The following OSBPL9 variants were observed in gnomAD, a reference collection of about 807,000 sequenced individuals.
OSBPL9 encodes oxysterol-binding protein-related protein 9.
In OSBPL9, 40 loss-of-function variants were observed where a neutral mutation model predicts 106.6. The observed-to-expected ratio is 0.38, with a 90% CI of 0.29 to 0.49. The LOEUF (loss-of-function observed/expected upper bound fraction) is 0.49, where lower values mean the gene tolerates loss of function less well. OSBPL9 is among the 20% of genes least tolerant of loss of function. OSBPL9 has a pLI of 0.97. For synonymous variants in OSBPL9, 269 were observed against 295.4 expected (o/e 0.91, Z 0.92); for missense variants, 609 against 887.2 (o/e 0.69, Z 3.98).
intron 4 of OSBPL9, among the ~76,000 whole-genome samples, chr1:51,740,448 A>G (rs1666659006): frequency 6.6e-6 from 1 of 151,796 alleles, no homozygotes; most frequent in Admixed American, 6.6e-5. Context: ...TTTCATTAGG[A>G]GGCTTGTTGT....
At chr1:51,605,989 G>T (rs113372036) in intron 2 of OSBPL9, among the ~76,000 whole-genome samples, 9 of 150,878 alleles carry the variant, frequency 6.0e-5, no homozygotes, top group African/African-American at 2.2e-4. Context: ...AAGAAAGAGA[G>T]CGAGAGAGAG....
intron 1 of OSBPL9, among the ~76,000 whole-genome samples, chr1:51,595,564 G>C (rs1645295263): frequency 6.6e-6 from 1 of 152,198 alleles, no homozygotes. Flanking sequence ...ATGGGGGAGG[G>C]AGGAGGAGGA....
intron 1 of OSBPL9, among the ~76,000 whole-genome samples, chr1:51,579,527 C>A (rs772709591): frequency 2.0e-5 from 3 of 152,010 alleles, no homozygotes; most frequent in Non-Finnish European, 2.9e-5. Flanking sequence ...TTGCTAGATA[C>A]GTTAAAGCTT....
At chr1:51,702,426 G>T (rs1657487967) in intron 3 of OSBPL9, among the ~76,000 whole-genome samples, 3 of 152,274 alleles carry the variant, frequency 2.0e-5, no homozygotes, top group African/African-American at 7.2e-5. Context: ...TCACGTGTCT[G>T]TTGGCTGCAT....
chr1:51,743,073 A>G (rs762020810), intron 4 of OSBPL9, among the ~76,000 whole-genome samples: 1 of 152,218 alleles, frequency 6.6e-6, no homozygotes, highest in Non-Finnish European at 1.5e-5. Flanking sequence ...TGTTCATGTT[A>G]TCGATGAATT....
At chr1:51,706,187 TTTTC>T (rs1480027442) in intron 3 of OSBPL9, among the ~76,000 whole-genome samples, 3 of 152,194 alleles carry the variant, frequency 2.0e-5, no homozygotes, top group Non-Finnish European at 4.4e-5. Flanking sequence ...AGGCTTGGAT[TTTTC>T]TTTATGAGAT....
the OSBPL9 span, among the ~76,000 whole-genome samples, chr1:51,554,175 AATACAT>A: frequency 6.6e-6 from 1 of 152,306 alleles, no homozygotes; most frequent in South Asian, 2.1e-4. Flanking sequence ...TATAAATATA[AATACAT>A]ATACATACAC....
In OSBPL9 at chr1:51,760,762, C is replaced by T; in HGVS notation, c.655C>T (p.Gln219Ter). 1 of 1,613,784 alleles carries T rather than the reference C, an allele frequency of 6.2e-7. No homozygotes were observed. Among genetic ancestry groups the T allele is most frequent in the Non-Finnish European group, 8.5e-7 (1 of 1,179,818 alleles). The change falls in exon 10 of 24, where the codon CAG becomes TAG. Residue 219 changes from glutamine to a stop codon, truncating the protein, a stop_gained. Coordinates refer to ENST00000428468, the MANE Select transcript of OSBPL9 (RefSeq NM_024586.6). LOFTEE classifies it high-confidence loss of function. ...LEPVISTMPS[Q>*]TVLPPEPVQL... ...ACCTGTGATCAGCACAATGCCTTCC[C>T]AGACTGTGTTACCTCCAGGTAATTT...
intron 2 of OSBPL9, among the ~76,000 whole-genome samples, chr1:51,663,489 A>T (rs1169321007): frequency 6.6e-6 from 1 of 152,328 alleles, no homozygotes; most frequent in African/African-American, 2.4e-5. Flanking sequence ...TTTATTTATT[A>T]AAAAACTTTT....
intron 2 of OSBPL9, among the ~76,000 whole-genome samples, chr1:51,602,222 G>A (rs1300323975): frequency 1.2e-4 from 18 of 150,668 alleles, no homozygotes; most frequent in Non-Finnish European, 1.8e-4. Context: ...GGGTTTCACC[G>A]TGGTCTCGAT....
At chr1:51,730,480 A>T (rs149147568) in intron 4 of OSBPL9, among the ~76,000 whole-genome samples, 3 of 152,138 alleles carry the variant, frequency 2.0e-5, no homozygotes, top group Admixed American at 2.0e-4. Flanking sequence ...TTTTTTGTGT[A>T]TAAAGTAATT....
intron 3 of OSBPL9, among the ~76,000 whole-genome samples, chr1:51,680,093 A>C (rs1283598127): frequency 1.8e-4 from 27 of 151,950 alleles, no homozygotes; most frequent in Non-Finnish European, 2.9e-5. Flanking sequence ...CTCTCCACTA[A>C]AAATACAAAA....
At chr1:51,653,240 T>A (rs1646629827) in intron 2 of OSBPL9, among the ~76,000 whole-genome samples, 1 of 152,050 alleles carries the variant, frequency 6.6e-6, no homozygotes, top group South Asian at 2.1e-4. Flanking sequence ...CTTTTGTCTG[T>A]TTGGTGTAAT....
intron 3 of OSBPL9, chr1:51,707,760 G>A: frequency 5.7e-6 from 1 of 175,290 alleles, no homozygotes. Flanking sequence ...CACAAACATG[G>A]GGGTGTCAGC....
chr1:51,705,847 G>C (rs970760090), intron 3 of OSBPL9, among the ~76,000 whole-genome samples: 5 of 151,896 alleles, frequency 3.3e-5, no homozygotes, highest in Non-Finnish European at 5.9e-5. Flanking sequence ...AACACAACTT[G>C]GACATGATCT....
chr1:51,722,339 A>G (rs1662318898), intron 4 of OSBPL9, among the ~76,000 whole-genome samples: 1 of 152,228 alleles, frequency 6.6e-6, no homozygotes, highest in Admixed American at 6.5e-5. Context: ...CCAACACAGA[A>G]TGTTACCTGT....
chr1:51,682,829 ATTTT>A (rs1292117134), intron 3 of OSBPL9, among the ~76,000 whole-genome samples: 1 of 142,026 alleles, frequency 7.0e-6, no homozygotes. Context: ...TTCCTTTCTA[ATTTT>A]TTTTTTTTTT....
chr1:51,752,285 A>G (rs763870410), intron 8 of OSBPL9, among the ~76,000 whole-genome samples: 1 of 129,684 alleles, frequency 7.7e-6, no homozygotes, highest in Non-Finnish European at 1.6e-5. Context: ...TGTTCCCTCC[A>G]CGTGGAGGGC....
At chr1:51,693,808 C>CTA (rs941655929) in intron 3 of OSBPL9, among the ~76,000 whole-genome samples, 1 of 152,220 alleles carries the variant, frequency 6.6e-6, no homozygotes, top group African/African-American at 2.4e-5. Flanking sequence ...TTGTTCCAAA[C>CTA]TATAGTCAGT....
Sources: gnomAD v4.1 joint callset for allele counts (sites outside exome capture counted in the v4.1 genomes callset) on GRCh38, gnomAD v4.1.1 for gene constraint, MANE v1.5 for transcripts, NCBI Gene and HGNC (gene_info 2026-07-23, HGNC 2026-07-21) for gene names.